The following CUX1 variants were observed in gnomAD, a reference collection of about 807,000 sequenced individuals.
CUX1 encodes the protein cut like homeobox 1, also known as protein CASP.
In CUX1, 31 loss-of-function variants were observed where a neutral mutation model predicts 158.8. The ratio of observed to expected loss-of-function variants is 0.20; its 90% CI spans 0.15 to 0.26. The LOEUF (loss-of-function observed/expected upper bound fraction) is 0.26, where lower values mean the gene tolerates loss of function less well. CUX1 is among the 10% of genes least tolerant of loss of function. CUX1 has a pLI of 1.00. For synonymous variants in CUX1, 879 were observed against 862.1 expected (o/e 1.02, Z -0.34); for missense variants, 1,589 against 2,014.6 (o/e 0.79, Z 4.04).
intron 3 of CUX1, among the ~76,000 whole-genome samples, chr7:102,054,074 C>T (rs1313235475): frequency 6.6e-6 from 1 of 152,134 alleles, no homozygotes; most frequent in Non-Finnish European, 1.5e-5. Flanking sequence ...TCCCAAAGTG[C>T]TGGGATTACA....
chr7:101,904,585 T>C (rs2131790042), intron 1 of CUX1, among the ~76,000 whole-genome samples: 1 of 151,920 alleles, frequency 6.6e-6, no homozygotes, highest in East Asian at 1.9e-4. Flanking sequence ...TTTTTTTTTT[T>C]TCAGACAGAG....
intron 9 of CUX1, among the ~76,000 whole-genome samples, chr7:102,164,813 C>G (rs1247980040): frequency 6.6e-6 from 1 of 152,112 alleles, no homozygotes; most frequent in Non-Finnish European, 1.5e-5. Context: ...CTTTGTTCCT[C>G]GGGGGACTTG....
At chr7:102,050,608 G>A (rs1389445926) in intron 3 of CUX1, among the ~76,000 whole-genome samples, 10 of 152,124 alleles carry the variant, frequency 6.6e-5, no homozygotes, top group Non-Finnish European at 2.9e-5. Flanking sequence ...CATTTCGGGA[G>A]AGGTAACCAG....
At position 101,902,347 on chromosome 7, in the gene CUX1, T is replaced by A. The variant is rs535218125; in HGVS notation, c.31-13768T>A. Among the ~76,000 whole-genome samples the A allele has an allele frequency of 4.6e-5, 7 of 152,296 alleles. No individual in the cohort carries two copies. The South Asian group carries it at 1.5e-3, about 32-fold the overall frequency. The stretch of plus-strand genomic sequence containing the variant: ...CGTTATCCTCAGGACCTGGGGGTCA[T>A]TGGAGGCCAGCACTGTCCCTAGAAC... On this transcript the variant is annotated intron_variant, in intron 1 of 23. Transcript: ENST00000292535.
chr7:101,913,762 C>T lies in CUX1; in HGVS notation c.31-2353C>T, dbSNP rs75636534. ...ATGCAGTGGGGGAAGTAGGGACCCCCGGCCAAAAGCAGTCATGTTCTTTTT... is the reference window on the plus strand; with the variant it reads ...ATGCAGTGGGGGAAGTAGGGACCCCTGGCCAAAAGCAGTCATGTTCTTTTT... On this transcript the variant is annotated intron_variant, in intron 1 of 23. Transcript: ENST00000292535. 3.7e-3 allele frequency among the ~76,000 whole-genome samples: 562 copies of T among 152,336 alleles called. 1 individual carries two copies. The highest frequency in any genetic ancestry group is 6.8e-3 in the Middle Eastern group (2 of 294).
At chr7:101,968,883 G>A (rs554362924) in intron 2 of CUX1, among the ~76,000 whole-genome samples, 3 of 152,184 alleles carry the variant, frequency 2.0e-5, no homozygotes, top group Admixed American at 6.5e-5. Flanking sequence ...GGCAGGACAC[G>A]GGGCTCCCTG....
At chr7:101,964,402 G>C (rs1006787527) in intron 2 of CUX1, among the ~76,000 whole-genome samples, 1 of 152,026 alleles carries the variant, frequency 6.6e-6, no homozygotes, top group African/African-American at 2.4e-5. Context: ...CCCAGGTTTC[G>C]TCACCAAATT....
At chr7:102,103,337 C>T (rs1249654657) in intron 5 of CUX1, among the ~76,000 whole-genome samples, 1 of 152,186 alleles carries the variant, frequency 6.6e-6, no homozygotes, top group Non-Finnish European at 1.5e-5. Flanking sequence ...ACTTGTGAAC[C>T]AGCAGAGCTG....
At chr7:102,168,667 C>T (rs191100151) in intron 9 of CUX1, among the ~76,000 whole-genome samples, 353 of 134,012 alleles carry the variant, frequency 2.6e-3, no homozygotes, top group Non-Finnish European at 4.6e-3. Context: ...AAAAAAAAAT[C>T]CTAATTTGTC....
At chr7:102,053,751 T>C (rs1050979682) in intron 3 of CUX1, among the ~76,000 whole-genome samples, 3 of 152,060 alleles carry the variant, frequency 2.0e-5, no homozygotes, top group Non-Finnish European at 4.4e-5. Flanking sequence ...AGAGGGCTTA[T>C]ATATTCTGGA....
At chr7:102,122,628 G>A (rs1832169427) in intron 8 of CUX1, among the ~76,000 whole-genome samples, 1 of 152,196 alleles carries the variant, frequency 6.6e-6, no homozygotes. Context: ...CAAGGGGGTG[G>A]CTTCATAGTT....
rs1216504580 is a variant in CUX1, at chr7:102,028,207, T to C, written c.189+62T>C. The C allele has an allele frequency of 9.6e-6, 15 of 1,561,234 alleles. No homozygotes were observed. The East Asian group carries it at 2.9e-4, about 30-fold the overall frequency. ...CTTCGTGGCTAATTGGTCTTTTTATTCACATTAAAGAAATGCTCCGGGCAA... is the reference window on the plus strand; with the variant it reads ...CTTCGTGGCTAATTGGTCTTTTTATCCACATTAAAGAAATGCTCCGGGCAA... On this transcript the variant is annotated intron_variant, in intron 3 of 23. Coordinates refer to ENST00000292535, the MANE Select transcript of CUX1 (RefSeq NM_181552.4).
intron 2 of CUX1, among the ~76,000 whole-genome samples, chr7:101,983,975 A>G (rs934555132): frequency 6.7e-6 from 1 of 149,704 alleles, no homozygotes; most frequent in Non-Finnish European, 1.5e-5. Context: ...CAGAGGTTAC[A>G]GTGAGCTGAG....
intron 8 of CUX1, among the ~76,000 whole-genome samples, chr7:102,126,911 G>C (rs1375036958): frequency 1.3e-5 from 2 of 152,194 alleles, no homozygotes; most frequent in Admixed American, 1.3e-4. Flanking sequence ...CCCATCTGGG[G>C]GTGATGGGAG....
At chr7:101,920,101 A>G (rs1042226868) in intron 2 of CUX1, among the ~76,000 whole-genome samples, 1 of 144,784 alleles carries the variant, frequency 6.9e-6, no homozygotes, top group African/African-American at 2.6e-5. Context: ...TGGCTAGTAT[A>G]TTTTATTTTA....
At chr7:102,116,134 G>A (rs1403188765) in intron 8 of CUX1, among the ~76,000 whole-genome samples, 4 of 152,238 alleles carry the variant, frequency 2.6e-5, no homozygotes, top group Middle Eastern at 3.4e-3. Context: ...GAATGGCGCC[G>A]CTGTCCCACC....
chr7:102,192,123 C>T (rs1794343159), intron 12 of CUX1, among the ~76,000 whole-genome samples: 2 of 152,198 alleles, frequency 1.3e-5, no homozygotes, highest in Admixed American at 1.3e-4. Flanking sequence ...TGAGCTCTTG[C>T]CCGCGTCCCC....
At position 102,201,439 on chromosome 7, in the gene CUX1, C is replaced by T; in HGVS notation, c.2142C>T (p.Arg714=). The change falls in exon 18 of 24, where the codon CGC becomes CGT. Residue 714 remains arginine, a synonymous_variant. Coordinates refer to ENST00000292535, the MANE Select transcript of CUX1 (RefSeq NM_181552.4). This position sits in a 1 kb window ranked among gnomAD's most constrained non-coding sequence, Gnocchi z 5.0. The stretch of plus-strand genomic sequence containing the variant: ...TCCGCTCCATCCTGCAGCAAGCCCG[C>T]CGGGAGATGGAGGCCCAGCAGGCTG... ...DAIRSILQQA[R]REMEAQQAAL... The T allele has an allele frequency of 6.2e-7, 1 of 1,614,112 alleles. No individual in the cohort carries two copies. The highest frequency in any genetic ancestry group is 8.5e-7 in the Non-Finnish European group (1 of 1,180,032).
intron 8 of CUX1, among the ~76,000 whole-genome samples, chr7:102,119,702 C>T (rs1465195847): frequency 2.6e-5 from 4 of 152,098 alleles, no homozygotes; most frequent in Admixed American, 1.3e-4. Flanking sequence ...ATTATTTCTG[C>T]CCTTTTTTTC....
Sources: gnomAD v4.1 joint callset for allele counts (sites outside exome capture counted in the v4.1 genomes callset) on GRCh38, gnomAD v4.1.1 for gene constraint, Gnocchi (gnomAD v3.1) non-coding constraint, MANE v1.5 for transcripts, NCBI Gene and HGNC (gene_info 2026-07-23, HGNC 2026-07-21) for gene names.